RALGAPA2: variants seen among roughly 807,000 people sequenced by gnomAD.
The protein encoded by RALGAPA2 is Ral GTPase activating protein catalytic subunit alpha 2.
A neutral mutation model predicts 230.4 loss-of-function variants in RALGAPA2; 139 were observed. The ratio of observed to expected loss-of-function variants is 0.60; its 90% CI spans 0.53 to 0.69. RALGAPA2 has a LOEUF of 0.69. RALGAPA2 is among the 30% of genes least tolerant of loss of function. RALGAPA2 has a pLI of 0.00. For missense variants in RALGAPA2, 2,163 were observed against 2,276.0 expected (o/e 0.95, Z 1.01); for synonymous variants, 847 against 837.8 (o/e 1.01, Z -0.19).
chr20:20,492,447 G>T (rs1248408010), intron 36 of RALGAPA2, among the ~76,000 whole-genome samples: 1 of 152,138 alleles, frequency 6.6e-6, no homozygotes, highest in Non-Finnish European at 1.5e-5. Context: ...AAAAAAATAC[G>T]GATTTTGGTG....
chr20:20,679,468 T>C (rs1170769304), intron 2 of RALGAPA2, among the ~76,000 whole-genome samples: 1 of 152,208 alleles, frequency 6.6e-6, no homozygotes, highest in Non-Finnish European at 1.5e-5. Flanking sequence ...ATCGCTACTT[T>C]ACAAGATACT....
chr20:20,547,933 A>G (rs190536755), intron 23 of RALGAPA2, among the ~76,000 whole-genome samples: 3 of 152,304 alleles, frequency 2.0e-5, no homozygotes, highest in Admixed American at 2.0e-4. Flanking sequence ...AACACAATGG[A>G]AATTGTCTGC....
chr20:20,651,676 T>G (rs1210984246), intron 4 of RALGAPA2, among the ~76,000 whole-genome samples: 2 of 152,192 alleles, frequency 1.3e-5, no homozygotes, highest in Non-Finnish European at 2.9e-5. Flanking sequence ...CAAATGCAAA[T>G]TAATTTTCAC....
At position 20,529,284 on chromosome 20, in the gene RALGAPA2, G is replaced by T. The variant is rs73290955; in HGVS notation, c.3582+2403C>A. Among the ~76,000 whole-genome samples the T allele has an allele frequency of 2.9e-3, 435 of 152,264 alleles. 1 individual carries two copies. Among genetic ancestry groups the T allele is most frequent in the African/African-American group, 9.7e-3 (404 of 41,546 alleles). ...TCTTCTCTTTTGCTGCTATCCAGAG[G>T]GGGGAGGATTCAACAGGACAATCTC... On this transcript the variant is annotated intron_variant, in intron 27 of 39. Coordinates refer to ENST00000202677, the MANE Select transcript of RALGAPA2 (RefSeq NM_020343.4).
intron 23 of RALGAPA2, among the ~76,000 whole-genome samples, chr20:20,548,130 C>A (rs565807896): frequency 1.4e-3 from 211 of 151,968 alleles, no homozygotes; most frequent in African/African-American, 5.0e-3. Flanking sequence ...AATCTCCACA[C>A]ACACACACAC....
At chr20:20,514,500 T>C (rs899343305) in intron 31 of RALGAPA2, among the ~76,000 whole-genome samples, 1 of 151,806 alleles carries the variant, frequency 6.6e-6, no homozygotes, top group African/African-American at 2.4e-5. Context: ...TCCAGATGGA[T>C]CTCCAGGTAT....
chr20:20,519,764 T>A (rs1251515553), intron 31 of RALGAPA2, among the ~76,000 whole-genome samples: 1 of 152,226 alleles, frequency 6.6e-6, no homozygotes, highest in Non-Finnish European at 1.5e-5. Context: ...CACTCTGCTG[T>A]CCTTAAGGAT....
At chr20:20,620,292 G>C (rs1212931815) in intron 11 of RALGAPA2, among the ~76,000 whole-genome samples, 171 bp downstream of exon 11, 1 of 152,146 alleles carries the variant, frequency 6.6e-6, no homozygotes, top group Non-Finnish European at 1.5e-5. Context: ...TGGGAGTACA[G>C]AAGCTACTCT....
chr20:20,438,779 A>T (rs1307129995), intron 37 of RALGAPA2, among the ~76,000 whole-genome samples: 1 of 152,244 alleles, frequency 6.6e-6, no homozygotes, highest in African/African-American at 2.4e-5. Flanking sequence ...CTAATTATTT[A>T]TATATATGTA....
chr20:20,602,315 C>T (rs1173337054), intron 15 of RALGAPA2, among the ~76,000 whole-genome samples: 2 of 152,216 alleles, frequency 1.3e-5, no homozygotes, highest in Non-Finnish European at 2.9e-5. Flanking sequence ...AATGTGGATT[C>T]AGTCAAATGG....
At chr20:20,422,068 G>A (rs540269954) in intron 37 of RALGAPA2, among the ~76,000 whole-genome samples, 2 of 152,286 alleles carry the variant, frequency 1.3e-5, no homozygotes, top group Admixed American at 1.3e-4. Context: ...TAATATAAAT[G>A]TCCAGAATAA....
At chr20:20,627,093 G>C (rs2066512568) in intron 10 of RALGAPA2, among the ~76,000 whole-genome samples, 1 of 152,140 alleles carries the variant, frequency 6.6e-6, no homozygotes, top group African/African-American at 2.4e-5. Context: ...ACGATAAAAA[G>C]AAAAGTTGTG....
chr20:20,706,177 A>G (rs1360406190), intron 1 of RALGAPA2, among the ~76,000 whole-genome samples: 2 of 152,204 alleles, frequency 1.3e-5, no homozygotes, highest in Non-Finnish European at 2.9e-5. Flanking sequence ...ATGGAAGCCA[A>G]CCTTTTTCAG....
At chr20:20,662,869 C>A (rs2067827920) in intron 3 of RALGAPA2, among the ~76,000 whole-genome samples, 1 of 152,164 alleles carries the variant, frequency 6.6e-6, no homozygotes, top group African/African-American at 2.4e-5. Context: ...TCTTGAAGGA[C>A]AACAGGGGTG....
intron 14 of RALGAPA2, among the ~76,000 whole-genome samples, chr20:20,607,938 G>C (rs1044421364): frequency 1.3e-5 from 2 of 152,170 alleles, no homozygotes; most frequent in African/African-American, 2.4e-5. Context: ...TGGGTGGTGA[G>C]TGGTGGCACC....
At chr20:20,500,417 A>G (rs1021999558) in intron 35 of RALGAPA2, among the ~76,000 whole-genome samples, 1 of 152,220 alleles carries the variant, frequency 6.6e-6, no homozygotes, top group African/African-American at 2.4e-5. Context: ...TGTTCATAGC[A>G]TCATCACTGA....
intron 13 of RALGAPA2, among the ~76,000 whole-genome samples, chr20:20,615,226 C>T (rs575576579): frequency 1.2e-4 from 18 of 149,722 alleles, no homozygotes; most frequent in African/African-American, 3.9e-4. Flanking sequence ...AGTGCAGTGG[C>T]GCAATCTCAC....
At chr20:20,480,566 G>A (rs1483932534) in intron 36 of RALGAPA2, among the ~76,000 whole-genome samples, 3 of 152,136 alleles carry the variant, frequency 2.0e-5, no homozygotes, top group Non-Finnish European at 1.5e-5. Flanking sequence ...TGTTCTCAGT[G>A]GGAAGAGGAA....
At chr20:20,673,153 C>G (rs1489116753) in intron 3 of RALGAPA2, among the ~76,000 whole-genome samples, 2 of 150,562 alleles carry the variant, frequency 1.3e-5, no homozygotes, top group African/African-American at 2.5e-5. Flanking sequence ...CCACTGAACT[C>G]CAGCCTGGGC....
Sources: gnomAD v4.1 joint callset for allele counts (sites outside exome capture counted in the v4.1 genomes callset) on GRCh38, gnomAD v4.1.1 for gene constraint, MANE v1.5 for transcripts, NCBI Gene and HGNC (gene_info 2026-07-23, HGNC 2026-07-21) for gene names.